Variants in TBC1D5 observed in about 807,000 individuals in gnomAD.
The protein encoded by TBC1D5 is TBC1 domain family member 5, also known as TBC1 domain family, member 5.
In TBC1D5, 75 loss-of-function variants were observed where a neutral mutation model predicts 100.3. That is an observed-to-expected ratio of 0.75 (90% CI 0.62 to 0.91). The LOEUF (loss-of-function observed/expected upper bound fraction) is 0.91. Among genes scored for constraint, TBC1D5 ranks in the 40% least tolerant of loss-of-function variants. TBC1D5 has a pLI of 0.00. For synonymous variants in TBC1D5, 323 were observed against 325.6 expected (o/e 0.99, Z 0.09); for missense variants, 910 against 942.4 (o/e 0.97, Z 0.45).
At chr3:17,712,554 A>C (rs2074842888) in intron 1 of TBC1D5, among the ~76,000 whole-genome samples, 1 of 152,210 alleles carries the variant, frequency 6.6e-6, no homozygotes, top group Admixed American at 6.5e-5. Context: ...ATCATTTTTA[A>C]ATTGTTGAAA....
intron 1 of TBC1D5, among the ~76,000 whole-genome samples, chr3:17,709,855 C>A (rs182452023): frequency 6.6e-6 from 1 of 152,046 alleles, no homozygotes; most frequent in Non-Finnish European, 1.5e-5. Context: ...TTAGAGCTAT[C>A]AACAACATGC....
intron 1 of TBC1D5, among the ~76,000 whole-genome samples, chr3:17,694,040 T>C (rs1261611284): frequency 2.6e-5 from 4 of 152,046 alleles, no homozygotes; most frequent in Admixed American, 6.6e-5. Context: ...CAGAAAGGAA[T>C]AGCATCAACA....
At chr3:17,485,103 G>A (rs2095546160) in intron 3 of TBC1D5, among the ~76,000 whole-genome samples, 1 of 151,698 alleles carries the variant, frequency 6.6e-6, no homozygotes, top group Non-Finnish European at 1.5e-5. Flanking sequence ...GTCTAATAAT[G>A]AAAAAAGAGA....
intron 14 of TBC1D5, among the ~76,000 whole-genome samples, chr3:17,304,320 T>C (rs1209607123): frequency 6.6e-6 from 1 of 152,138 alleles, no homozygotes; most frequent in Admixed American, 6.5e-5. Context: ...TGTCTCTCAC[T>C]GGGGAACAGG....
chr3:17,159,021 G>A (rs1238683256), exon 22 of TBC1D5: 2 of 152,226 alleles, frequency 1.3e-5, no homozygotes, highest in Non-Finnish European at 2.9e-5. Flanking sequence ...GGGGCCCCGC[G>A]GCTTTTACAA....
At chr3:17,412,650 C>A (rs17043585) in intron 4 of TBC1D5, among the ~76,000 whole-genome samples, 9,243 of 152,060 alleles carry the variant, frequency 0.061, 545 homozygotes, top group African/African-American at 0.15. Flanking sequence ...AAAAATCTGA[C>A]AATAATGCCA....
intron 13 of TBC1D5, among the ~76,000 whole-genome samples, chr3:17,330,167 C>T (rs2086695665): frequency 6.6e-6 from 1 of 152,118 alleles, no homozygotes; most frequent in Admixed American, 6.5e-5. Context: ...CCAGGCCCTT[C>T]CTCCTGTCTC....
intron 1 of TBC1D5, among the ~76,000 whole-genome samples, chr3:17,724,988 A>C (rs567742970): frequency 6.6e-6 from 1 of 152,262 alleles, no homozygotes; most frequent in East Asian, 1.9e-4. Flanking sequence ...TTCATTGCTT[A>C]GGTCTTTTTC....
At chr3:17,201,073 T>C (rs1248199161) in intron 18 of TBC1D5, among the ~76,000 whole-genome samples, 3 of 152,342 alleles carry the variant, frequency 2.0e-5, no homozygotes, top group East Asian at 3.9e-4. Flanking sequence ...CATGTTTTCC[T>C]GGTAAAATCC....
intron 1 of TBC1D5, among the ~76,000 whole-genome samples, chr3:17,675,776 T>C (rs2068547606): frequency 6.6e-6 from 1 of 152,190 alleles, no homozygotes; most frequent in Non-Finnish European, 1.5e-5. Flanking sequence ...CTTCAGATGT[T>C]TTCCTTTTGT....
intron 8 of TBC1D5, 129 bp downstream of exon 8, chr3:17,403,052 G>T: frequency 1.6e-6 from 1 of 637,486 alleles, no homozygotes; most frequent in Non-Finnish European, 2.5e-6. Flanking sequence ...GTCAAAACAA[G>T]TTTGTTATTA....
chr3:17,401,332 C>A (rs201174475), intron 8 of TBC1D5, among the ~76,000 whole-genome samples: 1 of 12,976 alleles, frequency 7.7e-5, no homozygotes, highest in Non-Finnish European at 1.3e-4. Context: ...GTATAATATA[C>A]ATATATGTAT....
Position 17,706,230 on chromosome 3 carries a change from C to G in TBC1D5, c.-101+33113G>C, listed in dbSNP as rs919236358. On this transcript the variant is annotated intron_variant, in intron 1 of 21. Coordinates refer to ENST00000253692, the Ensembl canonical transcript of TBC1D5. ...GGCGAGGCCCAGGCTGTGGAGGCGGCGGCCACCACATTGATATTTGTACTT... is the reference window on the plus strand; with the variant it reads ...GGCGAGGCCCAGGCTGTGGAGGCGGGGGCCACCACATTGATATTTGTACTT... 10 of 1,549,058 alleles carry G rather than the reference C, an allele frequency of 6.5e-6. No individual in the cohort carries two copies. In the African/African-American group the frequency reaches 1.4e-4, roughly 21 times the overall value.
chr3:17,728,899 G>A (rs1430851641), intron 1 of TBC1D5, among the ~76,000 whole-genome samples: 2 of 149,722 alleles, frequency 1.3e-5, no homozygotes, highest in African/African-American at 2.4e-5. Context: ...AAATGTAATA[G>A]TTCTTAATAA....
intron 4 of TBC1D5, among the ~76,000 whole-genome samples, chr3:17,415,555 C>T (rs2094045772): frequency 6.6e-6 from 1 of 151,960 alleles, no homozygotes; most frequent in Admixed American, 6.6e-5. Context: ...AGTAGGTAAA[C>T]TCAATAATCA....
At chr3:17,582,245 G>C (rs534283827) in intron 2 of TBC1D5, among the ~76,000 whole-genome samples, 1 of 152,264 alleles carries the variant, frequency 6.6e-6, no homozygotes, top group Non-Finnish European at 1.5e-5. Flanking sequence ...CAATGAGTAA[G>C]ACTGGCTTCA....
intron 13 of TBC1D5, among the ~76,000 whole-genome samples, chr3:17,362,559 C>T (rs867329278): frequency 6.6e-6 from 1 of 152,038 alleles, no homozygotes; most frequent in Non-Finnish European, 1.5e-5. Context: ...TCAACCTCCA[C>T]CTCCTGGGTT....
At chr3:17,604,660 A>G (rs2061218385) in intron 2 of TBC1D5, among the ~76,000 whole-genome samples, 1 of 152,204 alleles carries the variant, frequency 6.6e-6, no homozygotes, top group African/African-American at 2.4e-5. Context: ...TTTACTCACC[A>G]TCAATTTGCT....
At chr3:17,606,985 A>G (rs986674842) in intron 2 of TBC1D5, among the ~76,000 whole-genome samples, 2 of 152,188 alleles carry the variant, frequency 1.3e-5, no homozygotes, top group African/African-American at 2.4e-5. Flanking sequence ...CGATTTTACC[A>G]AAGAGAATAA....
Sources: gnomAD v4.1 joint callset for allele counts (sites outside exome capture counted in the v4.1 genomes callset) on GRCh38, gnomAD v4.1.1 for gene constraint, MANE v1.5 for transcripts, NCBI Gene and HGNC (gene_info 2026-07-23, HGNC 2026-07-21) for gene names.